LRP5: variants seen among roughly 807,000 people sequenced by gnomAD.
LRP5 encodes LDL receptor related protein 5, also known as low-density lipoprotein receptor-related protein 5.
Under a neutral mutation model 154.1 loss-of-function variants are expected in LRP5, and 62 were observed. The observed-to-expected ratio is 0.40, with a 90% CI of 0.33 to 0.50. The LOEUF is 0.50. Among genes scored for constraint, LRP5 ranks in the 20% least tolerant of loss-of-function variants. The probability of loss-of-function intolerance (pLI) is 0.55; values close to 1 mark genes in which losing one functional copy is unlikely to be tolerated. For synonymous variants in LRP5, 966 were observed against 1,011.5 expected (o/e 0.96, Z 0.85); for missense variants, 1,915 against 2,336.7 (o/e 0.82, Z 3.72).
chr11:68,438,321 C>G (rs747296630), intron 19 of LRP5, 125 bp from the exon 20 acceptor site: 10 of 959,422 alleles, frequency 1.0e-5, no homozygotes, highest in Admixed American at 1.0e-4. Flanking sequence ...CCAGCTCCCC[C>G]ACTTTCTCCC....
At chr11:68,377,353 C>T (rs780498157) in intron 5 of LRP5, among the ~76,000 whole-genome samples, 3 of 152,212 alleles carry the variant, frequency 2.0e-5, no homozygotes, top group Non-Finnish European at 2.9e-5. Context: ...TGACTGCAGG[C>T]CAAGGTGCCT....
At chr11:68,377,621 C>T (rs529861130) in intron 5 of LRP5, among the ~76,000 whole-genome samples, 28 of 152,184 alleles carry the variant, frequency 1.8e-4, no homozygotes, top group African/African-American at 6.3e-4. Context: ...ATAATCTGGC[C>T]GCCTGCCAGC....
chr11:68,372,731 C>T (rs78520648), intron 5 of LRP5, among the ~76,000 whole-genome samples: 3,410 of 152,062 alleles, frequency 0.022, 95 homozygotes, highest in African/African-American at 0.069. Context: ...CTTCCTTCGG[C>T]GGTTGTAATC....
chr11:68,420,278 T>G lies in LRP5; in HGVS notation c.3028-3211T>G, dbSNP rs544324833. Among the ~76,000 whole-genome samples, 61 of 152,218 alleles carry G rather than the reference T, an allele frequency of 4.0e-4. 1 individual carries two copies. Among genetic ancestry groups the G allele is most frequent in the Admixed American group, 5.9e-4 (9 of 15,276 alleles). ...TGTATCTCTCTCTGCCTTCTCTAGG[T>G]ACCTCATGTAAGTGGAATTATACCA... On this transcript the variant is annotated intron_variant, in intron 13 of 22. Transcript: ENST00000294304.
the LRP5 span, among the ~76,000 whole-genome samples, chr11:68,307,456 G>A: frequency 6.6e-6 from 1 of 152,154 alleles, no homozygotes; most frequent in African/African-American, 2.4e-5. Context: ...CTTAAGCCCT[G>A]GAGTTCAAGA....
At chr11:68,378,473 C>A (rs1327567460) in intron 5 of LRP5, among the ~76,000 whole-genome samples, 1 of 150,852 alleles carries the variant, frequency 6.6e-6, no homozygotes, top group Non-Finnish European at 1.5e-5. Context: ...GTGGCTCGTT[C>A]CCCCACGTTG....
intron 1 of LRP5, among the ~76,000 whole-genome samples, chr11:68,317,675 G>GTGGT (rs1440308515): frequency 6.6e-6 from 1 of 152,254 alleles, no homozygotes; most frequent in Non-Finnish European, 1.5e-5. Context: ...GCCCCATGTG[G>GTGGT]TGGTCCCTGT....
chr11:68,420,171 T>C (rs959789640), intron 13 of LRP5, among the ~76,000 whole-genome samples: 1 of 152,214 alleles, frequency 6.6e-6, no homozygotes, highest in African/African-American at 2.4e-5. Context: ...ATCTCCAGAC[T>C]ACTTCACCTT....
chr11:68,436,260 G>A (rs1228464285), intron 18 of LRP5, among the ~76,000 whole-genome samples: 4 of 152,302 alleles, frequency 2.6e-5, no homozygotes, highest in East Asian at 1.9e-4. Context: ...GCAGGACACC[G>A]GGGGCAGGGC....
chr11:68,338,135 C>T (rs1032569877), intron 1 of LRP5, among the ~76,000 whole-genome samples: 1 of 152,214 alleles, frequency 6.6e-6, no homozygotes, highest in African/African-American at 2.4e-5. Context: ...GCACTGGACG[C>T]AGGATCATTC....
chr11:68,351,757 G>A (rs928435357), intron 2 of LRP5, among the ~76,000 whole-genome samples: 1 of 152,182 alleles, frequency 6.6e-6, no homozygotes, highest in African/African-American at 2.4e-5. Flanking sequence ...TATTTGAAAG[G>A]GACGTGTGCG....
chr11:68,443,578 TATA>T (rs1189472172), intron 21 of LRP5, among the ~76,000 whole-genome samples: 8 of 42,384 alleles, frequency 1.9e-4, no homozygotes, highest in African/African-American at 7.2e-4. Context: ...TATATATATA[TATA>T]TATATTTTTT....
intron 1 of LRP5, among the ~76,000 whole-genome samples, chr11:68,342,766 C>T (rs2098609862): frequency 1.3e-5 from 2 of 152,230 alleles, no homozygotes; most frequent in African/African-American, 4.8e-5. Flanking sequence ...GGGAAAAGCA[C>T]AGCAAATTAA....
chr11:68,305,739 G>A, the LRP5 span, among the ~76,000 whole-genome samples: 356 of 152,052 alleles, frequency 2.3e-3, 2 homozygotes, highest in African/African-American at 8.1e-3. Context: ...CACCATGCCC[G>A]GCCTCAGGTA....
At chr11:68,445,130 C>T (rs1345716269) in intron 21 of LRP5, among the ~76,000 whole-genome samples, 1 of 152,026 alleles carries the variant, frequency 6.6e-6, no homozygotes, top group Non-Finnish European at 1.5e-5. Context: ...GACAGAGTCT[C>T]ACTCTGTTGC....
Position 68,353,434 on chromosome 11 carries a change from C to CGGAGAG in LRP5, c.489-4196_489-4191dup, listed in dbSNP as rs112676712. On this transcript the variant is annotated intron_variant, in intron 2 of 22. Transcript: ENST00000294304. The surrounding 1 kb of genome is among the most constrained non-coding windows in gnomAD (Gnocchi z 4.5). ...TCTGTCCCTGTAGGCTCCATGTCTC[C>CGGAGAG]GGAGAGGGAGAGGGAGAGGGAGAGG... Among the ~76,000 whole-genome samples, 4 of 152,122 alleles carry CGGAGAG rather than the reference C, an allele frequency of 2.6e-5. No individual in the cohort carries two copies. Among genetic ancestry groups the CGGAGAG allele is most frequent in the South Asian group, 2.1e-4 (1 of 4,834 alleles).
chr11:68,440,366 T>C (rs1324732247), intron 21 of LRP5, among the ~76,000 whole-genome samples: 1 of 152,150 alleles, frequency 6.6e-6, no homozygotes, highest in Non-Finnish European at 1.5e-5. Context: ...AAACACAGGG[T>C]GATTTTCGTG....
chr11:68,311,025 T>A (rs1175193469), upstream of LRP5, among the ~76,000 whole-genome samples: 3 of 151,628 alleles, frequency 2.0e-5, no homozygotes, highest in East Asian at 5.9e-4. Context: ...TGAGATCAGG[T>A]GGAAGGGGGT....
intron 21 of LRP5, among the ~76,000 whole-genome samples, chr11:68,442,856 C>T (rs1179244123): frequency 1.3e-5 from 2 of 152,214 alleles, no homozygotes; most frequent in Admixed American, 1.3e-4. Flanking sequence ...CAACTCACAA[C>T]CACCTTCTAC....
Sources: allele counts gnomAD v4.1 joint callset (sites outside exome capture counted in the v4.1 genomes callset), GRCh38; gene constraint gnomAD v4.1.1; non-coding constraint Gnocchi (gnomAD v3.1); transcripts MANE v1.5; gene names NCBI Gene and HGNC (gene_info 2026-07-23, HGNC 2026-07-21).